The following TTK variants were observed in gnomAD, a reference collection of about 807,000 sequenced individuals.
TTK encodes the protein dual specificity protein kinase TTK.
A neutral mutation model predicts 117.3 loss-of-function variants in TTK; 59 were observed. The observed-to-expected ratio is 0.50, with a 90% confidence interval of 0.41 to 0.62. TTK has a LOEUF of 0.62. Ranked by LOEUF, TTK falls within the 20% of genes least tolerant of loss-of-function variation. The pLI is 0.00. For missense variants in TTK, 921 were observed against 989.4 expected (o/e 0.93, Z 0.93); for synonymous variants, 302 against 325.0 (o/e 0.93, Z 0.76).
intron 18 of TTK, among the ~76,000 whole-genome samples, chr6:80,039,161 A>C (rs987852730): frequency 1.8e-4 from 28 of 152,056 alleles, no homozygotes; most frequent in African/African-American, 6.3e-4. Context: ...TGCTAACTGA[A>C]TTAGTTTTTT....
At chr6:80,008,671 C>T (rs577835389) in intron 4 of TTK, among the ~76,000 whole-genome samples, 179 bp downstream of exon 4, 4 of 152,098 alleles carry the variant, frequency 2.6e-5, no homozygotes, top group Non-Finnish European at 5.9e-5. Context: ...ATCTGTTATA[C>T]TAGCTTTTCC....
At chr6:80,038,248 AG>A (rs1192561316) in intron 18 of TTK, among the ~76,000 whole-genome samples, 1 of 152,156 alleles carries the variant, frequency 6.6e-6, no homozygotes, top group African/African-American at 2.4e-5. Context: ...TTCCAAGTAC[AG>A]CTGGAGAATG....
At chr6:80,029,794 G>GA (rs2127679694) in intron 13 of TTK, among the ~76,000 whole-genome samples, 1 of 152,336 alleles carries the variant, frequency 6.6e-6, no homozygotes, top group African/African-American at 2.4e-5. Flanking sequence ...TACTAAGGGG[G>GA]ATGCGGGAAG....
intron 17 of TTK, 89 bp downstream of exon 17, chr6:80,036,688 A>AT (rs1388528329): frequency 7.5e-7 from 1 of 1,337,680 alleles, no homozygotes; most frequent in East Asian, 2.5e-5. Flanking sequence ...TTATATTTTT[A>AT]ATCACCTCAT....
intron 19 of TTK, 142 bp from the exon 20 acceptor site, chr6:80,040,054 G>A: frequency 1.1e-6 from 1 of 941,392 alleles, no homozygotes; most frequent in Non-Finnish European, 1.5e-6. Flanking sequence ...AGTGCCTTGG[G>A]AGAAATAATC....
At chr6:80,024,102 C>T (rs1767540939) in intron 11 of TTK, among the ~76,000 whole-genome samples, 2 of 152,150 alleles carry the variant, frequency 1.3e-5, no homozygotes, top group Non-Finnish European at 2.9e-5. Flanking sequence ...ATTCAAGAGA[C>T]AATAACAAGT....
At chr6:80,025,395 A>G (rs772272051) in intron 11 of TTK, among the ~76,000 whole-genome samples, 3 of 152,232 alleles carry the variant, frequency 2.0e-5, no homozygotes, top group Non-Finnish European at 2.9e-5. Flanking sequence ...TCAAGTGCGT[A>G]ATGAGGACCA....
At position 80,035,285 on chromosome 6, in the gene TTK, A is replaced by C; in HGVS notation, c.1792A>C (p.Ile598Leu). 1 of 1,604,924 alleles carries C rather than the reference A, an allele frequency of 6.2e-7. No homozygotes were observed. The highest frequency in any genetic ancestry group is 8.5e-7 in the Non-Finnish European group (1 of 1,177,322). The part of the protein sequence containing the change: ...LYDYEITDQY[I>L]YMVMECGNID... ...TTGCAGTGAAATCACGGACCAGTAC[A>C]TCTACATGGTAATGGAGTGTGGAAA... Residue 598 changes from isoleucine to leucine, a missense_variant, in exon 16 of 22, where the codon ATC becomes CTC. By Grantham distance (5) the Ile-to-Leu change is conservative (BLOSUM62 2). Coordinates refer to ENST00000369798, the MANE Select transcript of TTK (RefSeq NM_003318.5).
chr6:80,009,318 C>T (rs936668564), intron 4 of TTK, among the ~76,000 whole-genome samples: 1 of 152,048 alleles, frequency 6.6e-6, no homozygotes, highest in Non-Finnish European at 1.5e-5. Flanking sequence ...AGGATTGAGC[C>T]TGGAGAAAAT....
At chr6:80,008,111 T>C in intron 3 of TTK, 80 bp downstream of exon 3, 1 of 1,442,310 alleles carries the variant, frequency 6.9e-7, no homozygotes, top group African/African-American at 1.4e-5. Context: ...ATAAAAAACA[T>C]GGCAGTATTG....
intron 13 of TTK, 116 bp downstream of exon 13, chr6:80,028,127 C>A: frequency 8.5e-7 from 1 of 1,175,130 alleles, no homozygotes; most frequent in Non-Finnish European, 1.1e-6. Context: ...ATTCTTATTT[C>A]CACTAGACAA....
At chr6:80,004,859 G>C (rs1430873725) in intron 1 of TTK, 146 bp downstream of exon 1, 1 of 152,198 alleles carries the variant, frequency 6.6e-6, no homozygotes, top group Non-Finnish European at 1.5e-5. Flanking sequence ...ACGAGCTGGA[G>C]GGGGAGGGGA....
At chr6:80,015,324 A>G (rs1767279135) in intron 10 of TTK, among the ~76,000 whole-genome samples, 1 of 152,196 alleles carries the variant, frequency 6.6e-6, no homozygotes, top group South Asian at 2.1e-4. Context: ...GACTAGGCGG[A>G]CTTTGAATGC....
chr6:80,007,772 GTCTTT>G (rs1767032276), intron 2 of TTK, 32 bp from the exon 3 acceptor site: 1 of 1,538,740 alleles, frequency 6.5e-7, no homozygotes, highest in Admixed American at 2.0e-5. Flanking sequence ...TTTGTTTTAT[GTCTTT>G]TCTTGTGATA....
rs1767859978 is a variant in TTK at position 80,035,091 on chromosome 6, A to G, written c.1721A>G (p.Tyr574Cys). 3 of 1,600,280 alleles carry G rather than the reference A, an allele frequency of 1.9e-6. No individual in the cohort carries two copies. The highest frequency in any genetic ancestry group is 2.6e-6 in the Non-Finnish European group (3 of 1,175,854). ...TLDSYRNEIA[Y>C]LNKLQQHSDK... Reference sequence around the variant, plus strand: ...GATAGTTACCGGAACGAAATAGCTTATTTGAATAAACTACAACAACACAGT... The same window carrying G: ...GATAGTTACCGGAACGAAATAGCTTGTTTGAATAAACTACAACAACACAGT... Residue 574 changes from tyrosine to cysteine, a missense_variant, in exon 15 of 22, where the codon TAT (tyrosine) becomes TGT (cysteine). By Grantham distance (194) the Tyr-to-Cys change is radical (BLOSUM62 -2). Coordinates refer to ENST00000369798, the MANE Select transcript of TTK (RefSeq NM_003318.5).
chr6:80,013,475 C>A, intron 9 of TTK, 109 bp downstream of exon 9: 2 of 868,408 alleles, frequency 2.3e-6, no homozygotes, highest in Non-Finnish European at 1.8e-6. Flanking sequence ...CATGTATCTC[C>A]AACAGTGTTC....
intron 10 of TTK, among the ~76,000 whole-genome samples, chr6:80,017,806 C>T (rs1349027312): frequency 2.0e-5 from 3 of 152,164 alleles, no homozygotes; most frequent in African/African-American, 7.2e-5. Flanking sequence ...TTAAGTTTTA[C>T]AGCTCAATAA....
intron 19 of TTK, 43 bp downstream of exon 19, chr6:80,039,915 T>C (rs1768002581): frequency 4.4e-6 from 6 of 1,371,896 alleles, no homozygotes; most frequent in African/African-American, 1.5e-5. Flanking sequence ...TTAAAAGAAA[T>C]AGTTGAAATA....
intron 11 of TTK, among the ~76,000 whole-genome samples, chr6:80,023,505 A>G (rs1767521708): frequency 6.6e-6 from 1 of 150,948 alleles, no homozygotes; most frequent in Admixed American, 6.6e-5. Flanking sequence ...AGGCAGGAGA[A>G]TGGTGTGAAC....
Sources: allele counts gnomAD v4.1 joint callset (sites outside exome capture counted in the v4.1 genomes callset), GRCh38; gene constraint gnomAD v4.1.1; transcripts MANE v1.5; gene names NCBI Gene and HGNC (gene_info 2026-07-23, HGNC 2026-07-21).